The following RPTOR variants were observed in gnomAD, a reference collection of about 807,000 sequenced individuals.
RPTOR encodes regulatory-associated protein of mTOR.
Under a neutral mutation model 169.9 loss-of-function variants are expected in RPTOR, and 21 were observed. That is an observed-to-expected ratio of 0.12 (90% CI 0.09 to 0.18). The LOEUF (loss-of-function observed/expected upper bound fraction) is 0.18. Among genes scored for constraint, RPTOR ranks in the 10% least tolerant of loss-of-function variants. The pLI, the probability that RPTOR is intolerant of heterozygous loss-of-function variation, is 1.00. For synonymous variants in RPTOR, 732 were observed against 753.2 expected (o/e 0.97, Z 0.46); for missense variants, 1,133 against 1,855.9 (o/e 0.61, Z 7.16).
intron 3 of RPTOR, among the ~76,000 whole-genome samples, chr17:80,657,410 C>T (rs1268899342): frequency 6.6e-6 from 1 of 152,196 alleles, no homozygotes; most frequent in African/African-American, 2.4e-5. Context: ...ATGCCTTTGA[C>T]TCCTGTCTTG....
At chr17:80,791,597 TC>T in intron 7 of RPTOR, 88 bp downstream of exon 7, 7 of 1,121,762 alleles carry the variant, frequency 6.2e-6, no homozygotes, top group Non-Finnish European at 2.6e-6. Flanking sequence ...AGAAGTACTT[TC>T]TATCAACATG....
chr17:80,693,898 C>G (rs116931702), intron 3 of RPTOR, among the ~76,000 whole-genome samples: 8,437 of 152,272 alleles, frequency 0.055, 283 homozygotes, highest in Non-Finnish European at 0.073. Flanking sequence ...TCTGGAGAGC[C>G]CGGCATGGTC....
At chr17:80,675,664 C>T (rs1173683632) in intron 3 of RPTOR, among the ~76,000 whole-genome samples, 2 of 152,058 alleles carry the variant, frequency 1.3e-5, no homozygotes, top group Admixed American at 6.5e-5. Context: ...CCGCGGAACC[C>T]GGCTGCTCTG....
chr17:80,797,411 G>A (rs1481194584), intron 7 of RPTOR, among the ~76,000 whole-genome samples: 1 of 152,236 alleles, frequency 6.6e-6, no homozygotes, highest in African/African-American at 2.4e-5. Flanking sequence ...GTCTCCCAAA[G>A]TGCTGGGATT....
At chr17:80,859,079 G>A (rs1020702723) in intron 13 of RPTOR, among the ~76,000 whole-genome samples, 12 of 152,164 alleles carry the variant, frequency 7.9e-5, no homozygotes, top group East Asian at 1.9e-4. Context: ...GAGGCGACTC[G>A]GGCTGAAGCC....
chr17:80,854,552 C>T (rs1359927652), intron 11 of RPTOR, among the ~76,000 whole-genome samples: 1 of 152,204 alleles, frequency 6.6e-6, no homozygotes, highest in South Asian at 2.1e-4. Context: ...GAATCATGTA[C>T]ATGTGCCGAT....
Position 80,859,264 on chromosome 17 carries a change from G to A in RPTOR, c.1509+1364G>A, listed in dbSNP as rs545209374. Among the ~76,000 whole-genome samples the A allele has an allele frequency of 5.3e-5, 8 of 152,336 alleles. No individual in the cohort carries two copies. The South Asian group carries it at 1.0e-3, about 20-fold the overall frequency. On this transcript the variant is annotated intron_variant, in intron 13 of 33. Transcript: ENST00000306801. ...AAGGCTCAGCTGCGGGAGAACTCTC[G>A]AAAGCTCCTCGTGTGACACAGTGGA...
In RPTOR at chr17:80,960,884, C is replaced by G. The variant is rs1225638218; in HGVS notation, c.3606-510C>G. Reference sequence around the variant, plus strand: ...CCGGGCCTAGCAGGGGACAGTCCGTCTTGGCCCACACGGCTCATGCAGCAG... The same window carrying G: ...CCGGGCCTAGCAGGGGACAGTCCGTGTTGGCCCACACGGCTCATGCAGCAG... On this transcript the variant is annotated intron_variant, in intron 30 of 33. Transcript: ENST00000306801. The surrounding 1 kb of genome is among the most constrained non-coding windows in gnomAD (Gnocchi z 4.8). 6.0e-6 allele frequency: 1 copy of G among 166,934 alleles called. No individual in the cohort carries two copies. Among genetic ancestry groups the G allele is most frequent in the African/African-American group, 2.4e-5 (1 of 41,890 alleles). 10.3% of individuals were successfully genotyped at this position (166,934 alleles called of 1,614,324 possible).
intron 1 of RPTOR, among the ~76,000 whole-genome samples, chr17:80,600,972 G>C (rs1049706170): frequency 6.6e-6 from 1 of 152,002 alleles, no homozygotes; most frequent in Admixed American, 6.6e-5. Flanking sequence ...CTCCCATTGA[G>C]AGGCGAAGTT....
intron 24 of RPTOR, among the ~76,000 whole-genome samples, chr17:80,931,274 G>T (rs2068893882): frequency 6.6e-6 from 1 of 152,224 alleles, no homozygotes; most frequent in Admixed American, 6.5e-5. Flanking sequence ...GGTGGCAGGG[G>T]AAGTGAGTTG....
At chr17:80,898,302 T>C (rs4969294) in intron 20 of RPTOR, among the ~76,000 whole-genome samples, 117,521 of 151,330 alleles carry the variant, frequency 0.78, 45,757 homozygotes, top group Admixed American at 0.8. Context: ...CTTTTACTGA[T>C]ATTCCCAATC....
intron 7 of RPTOR, among the ~76,000 whole-genome samples, chr17:80,799,867 A>G (rs1340724859): frequency 1.3e-5 from 2 of 152,232 alleles, no homozygotes; most frequent in African/African-American, 4.8e-5. Flanking sequence ...ATAACGTGAC[A>G]GATGGGCAGG....
At chr17:80,854,356 C>T (rs957494920) in intron 11 of RPTOR, among the ~76,000 whole-genome samples, 4 of 152,218 alleles carry the variant, frequency 2.6e-5, no homozygotes, top group Middle Eastern at 3.2e-3. Flanking sequence ...GGCTCAGCGA[C>T]GTTAACTTGC....
intron 4 of RPTOR, among the ~76,000 whole-genome samples, chr17:80,715,091 G>T (rs1212835292): frequency 6.6e-6 from 1 of 152,150 alleles, no homozygotes; most frequent in Non-Finnish European, 1.5e-5. Context: ...CAGAAGGAAA[G>T]AAATAACAAA....
rs192541030 is a variant in RPTOR at position 80,579,129 on chromosome 17, C to T, written c.162+33338C>T. Among the ~76,000 whole-genome samples, 767 of 152,226 alleles carry T rather than the reference C, an allele frequency of 5.0e-3. 2 individuals are homozygous for T. Among genetic ancestry groups the T allele is most frequent in the Non-Finnish European group, 7.9e-3 (537 of 68,010 alleles). ...GGATCTGAGCCTCCTGTGCTTTGCCCGAGTTAGGGCCTCAAGGACTTTGTG... is the reference window on the plus strand; with the variant it reads ...GGATCTGAGCCTCCTGTGCTTTGCCTGAGTTAGGGCCTCAAGGACTTTGTG... On this transcript the variant is annotated intron_variant, in intron 1 of 33. Coordinates refer to ENST00000306801, the MANE Select transcript of RPTOR (RefSeq NM_020761.3).
intron 26 of RPTOR, among the ~76,000 whole-genome samples, chr17:80,946,604 G>A (rs898838390): frequency 1.3e-5 from 2 of 152,206 alleles, no homozygotes; most frequent in African/African-American, 2.4e-5. Context: ...TGGCTTATTC[G>A]GCTCAGCGCA....
chr17:80,796,238 C>G (rs1285606266), intron 7 of RPTOR, among the ~76,000 whole-genome samples: 1 of 152,188 alleles, frequency 6.6e-6, no homozygotes, highest in Non-Finnish European at 1.5e-5. Context: ...AATATTAACT[C>G]ACACGGTCAC....
intron 1 of RPTOR, among the ~76,000 whole-genome samples, chr17:80,549,788 A>C (rs970164238): frequency 6.6e-6 from 1 of 152,190 alleles, no homozygotes; most frequent in Admixed American, 6.5e-5. Flanking sequence ...ACACATGTAG[A>C]CTGACAGACA....
At chr17:80,617,987 C>CTTTTTTTTTTTTTTTTTTTTTT (rs1197342364) in intron 1 of RPTOR, among the ~76,000 whole-genome samples, 3 of 146,368 alleles carry the variant, frequency 2.0e-5, no homozygotes, top group African/African-American at 7.7e-5. Flanking sequence ...ATAGTTACAA[C>CTTTTTTTTTTTTTTTTTTTTTT]TTTTTTTTTT....
Sources: gnomAD v4.1 joint callset for allele counts (sites outside exome capture counted in the v4.1 genomes callset) on GRCh38, gnomAD v4.1.1 for gene constraint, Gnocchi (gnomAD v3.1) non-coding constraint, MANE v1.5 for transcripts, NCBI Gene and HGNC (gene_info 2026-07-23, HGNC 2026-07-21) for gene names.